The following ADGRA2 variants were observed in gnomAD, a reference collection of about 807,000 sequenced individuals.
ADGRA2 encodes the protein adhesion G protein-coupled receptor A2, also known as G-protein coupled receptor 124.
A neutral mutation model predicts 98.7 loss-of-function variants in ADGRA2; 61 were observed. The observed-to-expected ratio is 0.62, with a 90% confidence interval of 0.50 to 0.76. The LOEUF is 0.76. Ranked by LOEUF, ADGRA2 falls within the 30% of genes least tolerant of loss-of-function variation. The pLI is 0.00. For missense variants in ADGRA2, 1,712 were observed against 1,860.0 expected (o/e 0.92, Z 1.46); for synonymous variants, 858 against 831.5 (o/e 1.03, Z -0.55).
Position 37,844,735 on chromosome 8 carries a change from C to T in ADGRA2, c.*2380C>T. 6.2e-7 allele frequency: 1 copy of T among 1,614,036 alleles called. No individual in the cohort carries two copies. The highest frequency in any genetic ancestry group is 8.5e-7 in the Non-Finnish European group (1 of 1,180,020). On this transcript the variant is annotated 3_prime_UTR_variant, in exon 19 of 19. Coordinates refer to ENST00000412232, the MANE Select transcript of ADGRA2 (RefSeq NM_032777.10). ...TGGGGTAAACCTAAGGAATTATTTC[C>T]CACCTCCCCTTCTCCTTGCCCCTGT...
chr8:37,829,730 C>T, intron 5 of ADGRA2, 121 bp from the exon 6 acceptor site: 1 of 1,067,186 alleles, frequency 9.4e-7, no homozygotes, highest in Admixed American at 1.9e-5. Context: ...AGAGATGGTG[C>T]ACATAGACCC....
At chr8:37,832,268 G>C (rs1226962462) in intron 8 of ADGRA2, among the ~76,000 whole-genome samples, 1 of 152,118 alleles carries the variant, frequency 6.6e-6, no homozygotes, top group Non-Finnish European at 1.5e-5. Flanking sequence ...GGCCAGGCTG[G>C]TCTCGAACTC....
intron 2 of ADGRA2, among the ~76,000 whole-genome samples, chr8:37,820,809 G>T (rs1052970449): frequency 2.6e-5 from 4 of 152,176 alleles, no homozygotes; most frequent in Non-Finnish European, 5.9e-5. Flanking sequence ...GATCTGCGTG[G>T]TATCTGTTTT....
intron 2 of ADGRA2, among the ~76,000 whole-genome samples, chr8:37,823,260 G>A (rs775070835): frequency 4.6e-5 from 7 of 150,558 alleles, no homozygotes; most frequent in African/African-American, 7.4e-5. Context: ...GAGTGCAGTG[G>A]CATGATCACG....
chr8:37,827,169 T>C (rs758111546), intron 2 of ADGRA2, among the ~76,000 whole-genome samples: 4 of 152,236 alleles, frequency 2.6e-5, no homozygotes, highest in Non-Finnish European at 5.9e-5. Flanking sequence ...GCCTGAAGCC[T>C]GTCCTGGTTT....
intron 13 of ADGRA2, among the ~76,000 whole-genome samples, 164 bp downstream of exon 13, chr8:37,835,934 A>AC (rs1257955994): frequency 6.6e-6 from 1 of 151,992 alleles, no homozygotes; most frequent in Non-Finnish European, 1.5e-5. Flanking sequence ...GGGTAGAGAT[A>AC]CCCCATAAAG....
intron 2 of ADGRA2, among the ~76,000 whole-genome samples, chr8:37,825,590 A>G (rs1208623417): frequency 1.3e-5 from 2 of 151,888 alleles, no homozygotes; most frequent in Non-Finnish European, 2.9e-5. Flanking sequence ...TGGAAATTGT[A>G]TGCATAGTGA....
chr8:37,839,745 C>T, intron 16 of ADGRA2, 123 bp downstream of exon 16: 1 of 1,245,516 alleles, frequency 8.0e-7, no homozygotes, highest in South Asian at 1.4e-5. Context: ...CCATGGCTTC[C>T]TCTGTGGCAG....
intron 2 of ADGRA2, among the ~76,000 whole-genome samples, chr8:37,821,123 C>G (rs1805114161): frequency 6.6e-6 from 1 of 152,172 alleles, no homozygotes; most frequent in Non-Finnish European, 1.5e-5. Context: ...AAAGGAAAGA[C>G]TTTTGGGGCA....
intron 2 of ADGRA2, among the ~76,000 whole-genome samples, chr8:37,816,343 A>G (rs1015614230): frequency 6.6e-6 from 1 of 152,096 alleles, no homozygotes; most frequent in Non-Finnish European, 1.5e-5. Context: ...CTATATTCCC[A>G]GCACTTTGGG....
intron 1 of ADGRA2, among the ~76,000 whole-genome samples, chr8:37,805,112 G>A (rs1454790715): frequency 6.6e-6 from 1 of 152,218 alleles, no homozygotes; most frequent in Non-Finnish European, 1.5e-5. Flanking sequence ...GAGAGAGAGG[G>A]AATTGGAGGT....
rs61738775 is a variant in ADGRA2 at position 37,833,097 on chromosome 8, G to A, written c.1185G>A (p.Pro395=). 0.011 allele frequency: 18,144 copies of A among 1,611,750 alleles called. 1,619 individuals are homozygous for A. The African/African-American group carries it at 0.2, about 18-fold the overall frequency. ...FTSVPLGGGA[P]GTRASRRCDR... is the part of the protein sequence containing the mutation. ...CAGTGCCCCTGGGCGGGGGTGCCCC[G>A]GGCACCCGAGCCTCCCGCCGGTGTG... Residue 395 remains proline (P), a synonymous_variant, in exon 9 of 19, where the codon CCG becomes CCA. Transcript: ENST00000412232.
intron 3 of ADGRA2, 135 bp from the exon 4 acceptor site, chr8:37,829,126 C>T (rs985499073): frequency 8.2e-5 from 67 of 814,352 alleles, no homozygotes; most frequent in Non-Finnish European, 1.3e-4. Flanking sequence ...AGTCCAGCTG[C>T]GGCCTGGCCC....
Position 37,829,281 on chromosome 8 carries a change from T to C in ADGRA2, c.431T>C (p.Ile144Thr). ...TCTAGAGATCTCTCCAACAACCGGA[T>C]TGGCTGTCTCACCTCCGAGACCTTC... ...LKRLDLSNNRIGCLTSETFQG... is the reference protein window; with the variant it reads ...LKRLDLSNNRTGCLTSETFQG... Residue 144 changes from isoleucine to threonine, a missense_variant, in exon 4 of 19, where the codon ATT becomes ACT. Ile to Thr is a moderately conservative substitution (Grantham distance 89, BLOSUM62 -1). Transcript: ENST00000412232. 1 of 1,613,480 alleles carries C rather than the reference T, an allele frequency of 6.2e-7. No homozygotes were observed. Among genetic ancestry groups the C allele is most frequent in the Non-Finnish European group, 8.5e-7 (1 of 1,179,734 alleles).
intron 12 of ADGRA2, 56 bp downstream of exon 12, chr8:37,835,454 G>A (rs1805581841): frequency 6.5e-7 from 1 of 1,541,334 alleles, no homozygotes; most frequent in Admixed American, 1.7e-5. Context: ...AGATGCAGGT[G>A]CCTGGTGGGG....
At position 37,835,161 on chromosome 8, in the gene ADGRA2, T is replaced by C. The variant is rs748010743; in HGVS notation, c.1609-13T>C. ...CATCTCAAATGGTGGGATGACAAGG[T>C]CCCTGTCCCCAGAATGCGAGGAACG... On this transcript the variant is annotated splice_polypyrimidine_tract_variant and intron_variant, in intron 11 of 18. Transcript: ENST00000412232. 3.6e-5 allele frequency: 57 copies of C among 1,602,176 alleles called. No individual in the cohort carries two copies. The highest frequency in any genetic ancestry group is 4.8e-5 in the Non-Finnish European group (56 of 1,170,158).
chr8:37,826,617 C>T (rs2129992001), intron 2 of ADGRA2, among the ~76,000 whole-genome samples: 1 of 152,276 alleles, frequency 6.6e-6, no homozygotes, highest in South Asian at 2.1e-4. Flanking sequence ...GAGGGCTCCC[C>T]TGGCCGTGGG....
intron 1 of ADGRA2, among the ~76,000 whole-genome samples, chr8:37,805,530 G>T (rs1051702034): frequency 6.6e-6 from 1 of 152,066 alleles, no homozygotes; most frequent in South Asian, 2.1e-4. Flanking sequence ...TGAGGCCAGG[G>T]GTTCAAAACC....
intron 1 of ADGRA2, among the ~76,000 whole-genome samples, chr8:37,806,055 G>A (rs1010415486): frequency 3.9e-5 from 6 of 151,982 alleles, no homozygotes; most frequent in East Asian, 1.9e-4. Flanking sequence ...GGCTCCCCCC[G>A]GGGGGCTTTT....
Sources: gnomAD v4.1 joint callset for allele counts (sites outside exome capture counted in the v4.1 genomes callset) on GRCh38, gnomAD v4.1.1 for gene constraint, MANE v1.5 for transcripts, NCBI Gene and HGNC (gene_info 2026-07-23, HGNC 2026-07-21) for gene names.